FILIP1L: variants seen among roughly 807,000 people sequenced by gnomAD.
The protein encoded by FILIP1L is filamin A interacting protein 1 like, also known as filamin A-interacting protein 1-like.
In FILIP1L, 55 loss-of-function variants were observed where a neutral mutation model predicts 96.6. The ratio of observed to expected loss-of-function variants is 0.57; its 90% CI spans 0.46 to 0.71. The LOEUF (loss-of-function observed/expected upper bound fraction) is 0.71. FILIP1L is among the 30% of genes least tolerant of loss of function. The pLI is 0.00. For missense variants in FILIP1L, 1,304 were observed against 1,321.2 expected (o/e 0.99, Z 0.20); for synonymous variants, 467 against 473.9 (o/e 0.99, Z 0.19).
intron 1 of FILIP1L, among the ~76,000 whole-genome samples, chr3:100,045,523 C>T (rs1470337263): frequency 1.3e-5 from 2 of 151,994 alleles, no homozygotes; most frequent in Non-Finnish European, 2.9e-5. Context: ...TCCCTCCTCT[C>T]GCAAACACCT....
intron 1 of FILIP1L, among the ~76,000 whole-genome samples, chr3:100,024,889 C>T (rs1183306036): frequency 3.9e-5 from 6 of 152,170 alleles, no homozygotes; most frequent in South Asian, 2.1e-4. Context: ...GACTTTCAAG[C>T]TATCAGGGCA....
At position 100,109,071 on chromosome 3, in the gene FILIP1L, G is replaced by A. The variant is rs192416100; in HGVS notation, c.-11+4982C>T. 5.0e-3 allele frequency among the ~76,000 whole-genome samples: 712 copies of A among 141,532 alleles called. 2 individuals are homozygous for A. Among genetic ancestry groups the A allele is most frequent in the South Asian group, 8.2e-3 (35 of 4,260 alleles). 92.9% of individuals were successfully genotyped at this position (141,532 alleles called of 152,430 possible). On this transcript the variant is annotated intron_variant, in intron 1 of 5. Transcript: ENST00000477258. ...GTTTTCTGGGTTCTACAGGATGATC[G>A]TTTTTAACTGTCTCTTAAAAAAAAA... is the stretch of plus-strand genomic sequence containing the variant.
At chr3:99,946,843 T>C (rs187239360) in intron 1 of FILIP1L, among the ~76,000 whole-genome samples, 1 of 152,266 alleles carries the variant, frequency 6.6e-6, no homozygotes, top group Admixed American at 6.5e-5. Context: ...AAGTACCAAA[T>C]TGCCAATAGG....
intron 1 of FILIP1L, among the ~76,000 whole-genome samples, chr3:99,988,287 G>A (rs925307986): frequency 3.3e-5 from 5 of 149,732 alleles, no homozygotes; most frequent in African/African-American, 1.2e-4. Context: ...CACGAGGTTG[G>A]GAGATGGAGA....
chr3:99,983,498 A>ATGTG lies in FILIP1L; in HGVS notation c.-10-52469_-10-52468insCACA, dbSNP rs1185258722. On this transcript the variant is annotated intron_variant, in intron 1 of 5. Transcript: ENST00000477258. Reference sequence around the variant, plus strand: ...TATATATATATATATATATATATATATATATATATATGTATATATATACAC... The same window carrying ATGTG: ...TATATATATATATATATATATATATATGTGTATATATATATGTATATATATACAC... 2.6e-4 allele frequency among the ~76,000 whole-genome samples: 28 copies of ATGTG among 105,908 alleles called. 1 individual carries two copies. Among genetic ancestry groups the ATGTG allele is most frequent in the African/African-American group, 1.0e-3 (25 of 24,496 alleles). The allele number at this position is 105,908 out of a possible 152,430, so 69.5% of individuals were successfully genotyped here. A position where few individuals can be genotyped will look rare whatever the true frequency, so the allele number is the denominator to read the frequency against.
At chr3:100,110,079 G>A (rs1301341763) in intron 1 of FILIP1L, 1 of 151,846 alleles carries the variant, frequency 6.6e-6, no homozygotes, top group Non-Finnish European at 1.5e-5. Context: ...TACACCCCTG[G>A]TAGCTTTGGG....
intron 1 of FILIP1L, among the ~76,000 whole-genome samples, chr3:100,035,291 T>A (rs1459301747): frequency 6.6e-6 from 1 of 152,190 alleles, no homozygotes; most frequent in Admixed American, 6.5e-5. Context: ...TATTATTATT[T>A]GAGACACAGT....
chr3:99,838,417 C>T (rs1463608112), intron 5 of FILIP1L, among the ~76,000 whole-genome samples: 2 of 152,158 alleles, frequency 1.3e-5, no homozygotes, highest in African/African-American at 4.8e-5. Context: ...ACAGACCCTT[C>T]AGTGTGGGTC....
chr3:99,882,478 G>T (rs187399273), intron 4 of FILIP1L, among the ~76,000 whole-genome samples: 1 of 152,196 alleles, frequency 6.6e-6, no homozygotes, highest in African/African-American at 2.4e-5. Flanking sequence ...AAGAGTAAAA[G>T]GTGTGCTTAG....
chr3:100,098,621 C>G (rs2066253645), intron 1 of FILIP1L, among the ~76,000 whole-genome samples: 1 of 152,170 alleles, frequency 6.6e-6, no homozygotes, highest in Non-Finnish European at 1.5e-5. Context: ...TATTTTTGTG[C>G]ATATATTTCT....
chr3:100,047,497 C>A (rs2065296069), intron 1 of FILIP1L, among the ~76,000 whole-genome samples: 1 of 152,146 alleles, frequency 6.6e-6, no homozygotes, highest in Admixed American at 6.5e-5. Flanking sequence ...TTATTCATAA[C>A]CTCTGAAACC....
chr3:100,014,035 T>C (rs1376949330), intron 1 of FILIP1L, among the ~76,000 whole-genome samples: 1 of 152,038 alleles, frequency 6.6e-6, no homozygotes, highest in East Asian at 1.9e-4. Flanking sequence ...ATGAATTTGA[T>C]TTTTTAAGAT....
At chr3:100,106,576 A>G (rs1175054670) in intron 1 of FILIP1L, among the ~76,000 whole-genome samples, 4 of 152,156 alleles carry the variant, frequency 2.6e-5, no homozygotes, top group African/African-American at 9.7e-5. Flanking sequence ...TTAGTTGAAA[A>G]AGATCTGCCT....
chr3:100,037,507 A>G (rs2065128863), intron 1 of FILIP1L, among the ~76,000 whole-genome samples: 1 of 152,208 alleles, frequency 6.6e-6, no homozygotes. Context: ...CCAGCGCAAC[A>G]TATAGAAATC....
chr3:100,047,601 T>A (rs1436526270), intron 1 of FILIP1L, among the ~76,000 whole-genome samples: 1 of 152,236 alleles, frequency 6.6e-6, no homozygotes, highest in Admixed American at 6.5e-5. Context: ...CTGCAGTTTA[T>A]GCCTCCGCAA....
intron 1 of FILIP1L, among the ~76,000 whole-genome samples, chr3:100,095,362 A>T (rs780254513): frequency 4.6e-5 from 7 of 152,198 alleles, no homozygotes; most frequent in Non-Finnish European, 8.8e-5. Context: ...TTGGCCCTTC[A>T]TACCCTTGGG....
At chr3:100,102,199 G>A (rs969158990) in intron 1 of FILIP1L, among the ~76,000 whole-genome samples, 113 of 152,164 alleles carry the variant, frequency 7.4e-4, no homozygotes, top group African/African-American at 2.1e-3. Context: ...TCACCACACC[G>A]ACTTCCACAA....
At chr3:99,870,831 G>A (rs539273518) in intron 4 of FILIP1L, among the ~76,000 whole-genome samples, 2 of 152,336 alleles carry the variant, frequency 1.3e-5, no homozygotes, top group South Asian at 2.1e-4. Context: ...GCATGGCAAA[G>A]ATAAGCCATT....
In FILIP1L at chr3:99,922,995, ATTATT is replaced by A. The variant is rs369975486; in HGVS notation, c.605+1230_605+1234del. On this transcript the variant is annotated intron_variant, in intron 4 of 5. Transcript: ENST00000477258. ...CCTGGGACATTTCATTCTTTTCTGCATTATTTGGTGCTATTTGACTGTTCACTCTC... is the reference window on the plus strand; with the variant it reads ...CCTGGGACATTTCATTCTTTTCTGCATGGTGCTATTTGACTGTTCACTCTC... Among the ~76,000 whole-genome samples, 42 of 151,954 alleles carry A rather than the reference ATTATT, an allele frequency of 2.8e-4. No individual in the cohort carries two copies. The East Asian group carries it at 6.6e-3, about 24-fold the overall frequency.
Sources: allele counts gnomAD v4.1 joint callset (sites outside exome capture counted in the v4.1 genomes callset), GRCh38; gene constraint gnomAD v4.1.1; transcripts MANE v1.5; gene names NCBI Gene and HGNC (gene_info 2026-07-23, HGNC 2026-07-21).